The following AFAP1 variants were observed in gnomAD, a reference collection of about 807,000 sequenced individuals.
AFAP1 encodes actin filament associated protein 1.
Under a neutral mutation model 93.9 loss-of-function variants are expected in AFAP1, and 75 were observed. The observed-to-expected ratio is 0.80, with a 90% CI of 0.66 to 0.97. The LOEUF is 0.97. Ranked by LOEUF, AFAP1 falls within the 50% of genes least tolerant of loss-of-function variation. The probability of loss-of-function intolerance (pLI) is 0.00; values close to 1 mark genes in which losing one functional copy is unlikely to be tolerated. For missense variants in AFAP1, 1,201 were observed against 1,050.8 expected, an observed-to-expected ratio of 1.14 and a Z score of -1.98; for synonymous variants, 517 against 430.7, an observed-to-expected ratio of 1.20 and a Z score of -2.48.
At chr4:7,910,022 C>T (rs1402578102) in intron 1 of AFAP1, among the ~76,000 whole-genome samples, 1 of 152,142 alleles carries the variant, frequency 6.6e-6, no homozygotes, top group Admixed American at 6.6e-5. Context: ...CCAGTCCAAA[C>T]CAAATAAATT....
chr4:7,844,282 A>AAGAG lies in AFAP1; in HGVS notation c.335-936_335-933dup, dbSNP rs146569362. On this transcript the variant is annotated intron_variant, in intron 4 of 17. Transcript: ENST00000420658. The stretch of plus-strand genomic sequence containing the variant: ...CCCATAGGTCTGGTGGTCTTTTAAG[A>AAGAG]AGAGAGAGAGAGAGAGAGAGCTCTG... Among the ~76,000 whole-genome samples, 206 of 149,014 alleles carry AAGAG rather than the reference A, an allele frequency of 1.4e-3. 2 individuals are homozygous for AAGAG. Among genetic ancestry groups the AAGAG allele is most frequent in the Non-Finnish European group, 2.3e-3 (152 of 67,020 alleles).
intron 11 of AFAP1, among the ~76,000 whole-genome samples, chr4:7,790,707 T>C (rs550818896): frequency 6.7e-6 from 1 of 150,020 alleles, no homozygotes; most frequent in Admixed American, 6.6e-5. Flanking sequence ...ACTTAAAGAA[T>C]TGGAGAATCA....
rs775279803 is a variant in AFAP1, at chr4:7,778,808, C to G, written c.1851G>C (p.Gln617His). Residue 617 changes from glutamine to histidine, a missense_variant, in exon 14 of 18, where the codon CAG becomes CAC. Transcript: ENST00000420658. ...CAGCCGCGGGATCCGCTTTCTTTGG[C>G]TGACTGCTCAGAGTCTTCCCTTTTC... ...VTGKGKTLSS[Q>H]PKKADPAAVV... 6.2e-7 allele frequency: 1 copy of G among 1,614,112 alleles called. No homozygotes were observed. The highest frequency in any genetic ancestry group is 8.5e-7 in the Non-Finnish European group (1 of 1,180,052).
At position 7,809,783 on chromosome 4, in the gene AFAP1, CA is replaced by C. The variant is rs1719851862; in HGVS notation, c.905-21del. 1.3e-6 allele frequency: 2 copies of C among 1,584,966 alleles called. No individual in the cohort carries two copies. Among genetic ancestry groups the C allele is most frequent in the African/African-American group, 1.4e-5 (1 of 72,714 alleles). ...TCTTCACTGTCAAGAGTAACAACAGCAAAAAAGCATGTTTTAATTGTAGATA... is the reference window on the plus strand; with the variant it reads ...TCTTCACTGTCAAGAGTAACAACAGCAAAAAGCATGTTTTAATTGTAGATA... On this transcript the variant is annotated intron_variant, in intron 8 of 17. Coordinates refer to ENST00000420658, the MANE Select transcript of AFAP1 (RefSeq NM_001134647.2).
chr4:7,800,722 C>A, intron 9 of AFAP1, 69 bp from the exon 10 acceptor site: 1 of 1,501,626 alleles, frequency 6.7e-7, no homozygotes, highest in South Asian at 1.1e-5. Flanking sequence ...CGTCTAGGGT[C>A]ACACTGAGGA....
chr4:7,872,498 T>C (rs558358762), intron 1 of AFAP1, among the ~76,000 whole-genome samples: 35 of 152,236 alleles, frequency 2.3e-4, no homozygotes, highest in Non-Finnish European at 4.1e-4. Flanking sequence ...CTCTCTGCTT[T>C]TGCAAAGCTG....
At chr4:7,764,588 AT>A (rs1379506668) in intron 17 of AFAP1, among the ~76,000 whole-genome samples, 1 of 152,172 alleles carries the variant, frequency 6.6e-6, no homozygotes, top group Non-Finnish European at 1.5e-5. Flanking sequence ...ATAGAAAAAA[AT>A]TTTTTTAAAT....
chr4:7,928,263 A>C (rs534733734), intron 1 of AFAP1, among the ~76,000 whole-genome samples: 11 of 152,220 alleles, frequency 7.2e-5, no homozygotes, highest in African/African-American at 2.2e-4. Flanking sequence ...AATTTCACTT[A>C]CTCAACAACA....
chr4:7,861,478 A>G (rs1266340748), intron 3 of AFAP1, among the ~76,000 whole-genome samples: 3 of 152,252 alleles, frequency 2.0e-5, no homozygotes, highest in South Asian at 4.1e-4. Context: ...ATTACACCCC[A>G]TTCCATTGTG....
At chr4:7,931,217 C>T (rs1014357535) in intron 1 of AFAP1, among the ~76,000 whole-genome samples, 14 of 152,142 alleles carry the variant, frequency 9.2e-5, no homozygotes, top group African/African-American at 3.4e-4. Flanking sequence ...CTCCAAGGAA[C>T]AGGGATCAGG....
chr4:7,781,284 T>C, intron 13 of AFAP1, 92 bp downstream of exon 13: 1 of 1,442,248 alleles, frequency 6.9e-7, no homozygotes, highest in Non-Finnish European at 9.3e-7. Context: ...GCTTTGCCTT[T>C]GATGAGTCCC....
At chr4:7,871,598 G>T (rs184798792) in intron 2 of AFAP1, among the ~76,000 whole-genome samples, 1 of 152,182 alleles carries the variant, frequency 6.6e-6, no homozygotes, top group African/African-American at 2.4e-5. Flanking sequence ...TCTCCCTTCC[G>T]ATCTGCCAGT....
chr4:7,849,982 G>A (rs1714251419), intron 4 of AFAP1, among the ~76,000 whole-genome samples: 1 of 152,154 alleles, frequency 6.6e-6, no homozygotes, highest in African/African-American at 2.4e-5. Context: ...GAGCAGGGGA[G>A]GAACACGTGG....
Position 7,823,706 on chromosome 4 carries a change from G to C in AFAP1, c.727-4535C>G, listed in dbSNP as rs1200604544. Among the ~76,000 whole-genome samples the C allele has an allele frequency of 2.0e-5, 3 of 152,140 alleles. No homozygotes were observed. The East Asian group carries it at 5.8e-4, about 29-fold the overall frequency. On this transcript the variant is annotated intron_variant, in intron 6 of 17. Coordinates refer to ENST00000420658, the MANE Select transcript of AFAP1 (RefSeq NM_001134647.2). Reference sequence around the variant, plus strand: ...CCATGTAATCTGAATGCTTAGAATGGGGAACACAGACAAGCCAGCCACGTT... The same window carrying C: ...CCATGTAATCTGAATGCTTAGAATGCGGAACACAGACAAGCCAGCCACGTT...
chr4:7,812,759 G>A lies in AFAP1; in HGVS notation c.905-2996C>T, dbSNP rs1194082566. 2.0e-5 allele frequency among the ~76,000 whole-genome samples: 3 copies of A among 152,320 alleles called. No homozygotes were observed. In the East Asian group the frequency reaches 5.8e-4, roughly 29 times the overall value. ...TATCATAAACCCAGAGAGTTTCCCA[G>A]TAACCGACGGAAACGGGAATTCAGG... On this transcript the variant is annotated intron_variant, in intron 8 of 17. Transcript: ENST00000420658.
intron 1 of AFAP1, among the ~76,000 whole-genome samples, chr4:7,916,677 A>C (rs979536750): frequency 1.3e-5 from 2 of 152,184 alleles, no homozygotes; most frequent in African/African-American, 4.8e-5. Context: ...GTTTGAAACC[A>C]TGGCTGCTCA....
intron 3 of AFAP1, among the ~76,000 whole-genome samples, chr4:7,858,080 C>T (rs1356091272): frequency 6.6e-6 from 1 of 152,212 alleles, no homozygotes; most frequent in Non-Finnish European, 1.5e-5. Context: ...AGATGTACTG[C>T]TACATCCACA....
intron 1 of AFAP1, among the ~76,000 whole-genome samples, chr4:7,873,104 G>A (rs376970731): frequency 1.3e-5 from 2 of 150,816 alleles, no homozygotes; most frequent in Admixed American, 6.6e-5. Flanking sequence ...GTAGCCGGGC[G>A]TGGTGGCATG....
Position 7,920,735 on chromosome 4 carries a change from T to C in AFAP1, c.-3+18921A>G, listed in dbSNP as rs560276191. On this transcript the variant is annotated intron_variant, in intron 1 of 17. Coordinates refer to ENST00000420658, the MANE Select transcript of AFAP1 (RefSeq NM_001134647.2). ...GGGCTTCTTCCTTCGAATCTCTATT[T>C]TGAAAGGTCTGAAAAGTCGAAAGAC... Among the ~76,000 whole-genome samples, 1,113 of 152,344 alleles carry C rather than the reference T, an allele frequency of 7.3e-3. 8 individuals carry two copies. The highest frequency in any genetic ancestry group is 0.012 in the Non-Finnish European group (830 of 68,034).
Sources: gnomAD v4.1 joint callset for allele counts (sites outside exome capture counted in the v4.1 genomes callset) on GRCh38, gnomAD v4.1.1 for gene constraint, MANE v1.5 for transcripts, NCBI Gene and HGNC (gene_info 2026-07-23, HGNC 2026-07-21) for gene names.